The following ZSWIM6 variants were observed in gnomAD, a reference collection of about 807,000 sequenced individuals.
ZSWIM6 encodes zinc finger SWIM-type containing 6.
A neutral mutation model predicts 113.2 loss-of-function variants in ZSWIM6; 9 were observed. The ratio of observed to expected loss-of-function variants is 0.08; its 90% CI spans 0.05 to 0.14. The LOEUF (loss-of-function observed/expected upper bound fraction) is 0.14. Among genes scored for constraint, ZSWIM6 ranks in the 10% least tolerant of loss-of-function variants. The pLI, the probability that ZSWIM6 is intolerant of heterozygous loss-of-function variation, is 1.00. For synonymous variants in ZSWIM6, 611 were observed against 606.5 expected (o/e 1.01, Z -0.11); for missense variants, 1,162 against 1,552.2 (o/e 0.75, Z 4.22).
chr5:61,520,812 C>T (rs1175531723), intron 4 of ZSWIM6, among the ~76,000 whole-genome samples: 1 of 151,912 alleles, frequency 6.6e-6, no homozygotes, highest in Non-Finnish European at 1.5e-5. Context: ...TGTGCAGAAC[C>T]ATTTGGAGTG....
Position 61,544,481 on chromosome 5 carries a change from TTG to T in ZSWIM6, c.*170_*171del, listed in dbSNP as rs1749832440. 2.7e-6 allele frequency: 1 copy of T among 375,956 alleles called. No homozygotes were observed. The highest frequency in any genetic ancestry group is 4.7e-6 in the Non-Finnish European group (1 of 213,378). The allele number at this position is 375,956 out of a possible 1,614,324, so 23.3% of individuals were successfully genotyped here. A position where few individuals can be genotyped will look rare whatever the true frequency, so the allele number is the denominator to read the frequency against. ...GACTAAATTGTCATGTTGTGAAAGT[TTG>T]TGTGTTTTTTATTTTTTCCCTATTT... On this transcript the variant is annotated 3_prime_UTR_variant, in exon 14 of 14. Transcript: ENST00000252744.
intron 5 of ZSWIM6, 123 bp from the exon 6 acceptor site, chr5:61,525,677 C>T: frequency 8.7e-7 from 1 of 1,151,492 alleles, no homozygotes; most frequent in Non-Finnish European, 1.2e-6. Context: ...CACCCTTCTG[C>T]TTAGGGGGTG....
chr5:61,431,645 TGAGGCAGGAGAATGGCCTGAACTC>T (rs1746584004), intron 1 of ZSWIM6, among the ~76,000 whole-genome samples: 1 of 106,558 alleles, frequency 9.4e-6, no homozygotes, highest in African/African-American at 4.0e-5. Context: ...CTCGGGAGGC[TGAGGCAGGAGAATGGCCTGAACTC>T]GGGAGGCGGA....
intron 4 of ZSWIM6, among the ~76,000 whole-genome samples, chr5:61,507,541 A>G (rs1748657889): frequency 2.0e-5 from 3 of 152,232 alleles, no homozygotes. Flanking sequence ...TCTGACTTGA[A>G]TAATCAATCT....
At chr5:61,539,509 G>T in intron 11 of ZSWIM6, 87 bp from the exon 12 acceptor site, 1 of 1,387,716 alleles carries the variant, frequency 7.2e-7, no homozygotes, top group Non-Finnish European at 9.6e-7. Context: ...CCCTCTGTGT[G>T]TGTGTATGGT....
At chr5:61,451,409 A>C (rs1182931372) in intron 1 of ZSWIM6, among the ~76,000 whole-genome samples, 1 of 152,152 alleles carries the variant, frequency 6.6e-6, no homozygotes, top group Non-Finnish European at 1.5e-5. Flanking sequence ...GCTTTTTATG[A>C]ATAACTTGGG....
At chr5:61,511,050 A>G (rs1357076428) in intron 4 of ZSWIM6, among the ~76,000 whole-genome samples, 1 of 152,170 alleles carries the variant, frequency 6.6e-6, no homozygotes, top group African/African-American at 2.4e-5. Context: ...AATTTGGAGA[A>G]TGACTTGCTC....
chr5:61,467,910 G>T (rs919300732), intron 1 of ZSWIM6, among the ~76,000 whole-genome samples: 2 of 151,998 alleles, frequency 1.3e-5, no homozygotes, highest in African/African-American at 4.8e-5. Flanking sequence ...CACCTCCACG[G>T]GCTAGACCCC....
chr5:61,481,882 G>T (rs936591539), intron 2 of ZSWIM6, among the ~76,000 whole-genome samples: 6 of 152,084 alleles, frequency 3.9e-5, no homozygotes, highest in Non-Finnish European at 8.8e-5. Flanking sequence ...TTAAACTTCA[G>T]TAATAAAATG....
Position 61,472,388 on chromosome 5 carries a change from C to T in ZSWIM6, c.677-293C>T, listed in dbSNP as rs1012728998. ...GCAGAGTAATGATGGCCTCTTAGTG[C>T]GTGATCTAACCACTTCCTATAGGTA... is the stretch of plus-strand genomic sequence containing the variant. On this transcript the variant is annotated intron_variant, in intron 1 of 13. Coordinates refer to ENST00000252744, the MANE Select transcript of ZSWIM6 (RefSeq NM_020928.2). The surrounding 1 kb of genome is among the most constrained non-coding windows in gnomAD (Gnocchi z 4.1). 1.3e-5 allele frequency among the ~76,000 whole-genome samples: 2 copies of T among 152,120 alleles called. No homozygotes were observed. Among genetic ancestry groups the T allele is most frequent in the South Asian group, 2.1e-4 (1 of 4,820 alleles).
intron 1 of ZSWIM6, among the ~76,000 whole-genome samples, chr5:61,334,299 A>G (rs1744340350): frequency 6.6e-6 from 1 of 152,190 alleles, no homozygotes; most frequent in Non-Finnish European, 1.5e-5. Context: ...ACTGAAAAGA[A>G]CAATGCTGTA....
intron 13 of ZSWIM6, among the ~76,000 whole-genome samples, chr5:61,542,536 T>C (rs1749768614): frequency 1.3e-5 from 2 of 152,180 alleles, no homozygotes; most frequent in Admixed American, 6.5e-5. Context: ...TAAATAGTGG[T>C]TAAACGTTCT....
At chr5:61,438,342 C>G (rs957744744) in intron 1 of ZSWIM6, among the ~76,000 whole-genome samples, 1 of 152,200 alleles carries the variant, frequency 6.6e-6, no homozygotes, top group African/African-American at 2.4e-5. Flanking sequence ...CTTCTGCTTT[C>G]TTCCCCCACC....
At chr5:61,371,770 T>G (rs1014049896) in intron 1 of ZSWIM6, among the ~76,000 whole-genome samples, 1 of 152,078 alleles carries the variant, frequency 6.6e-6, no homozygotes, top group South Asian at 2.1e-4. Context: ...AAGCTATTCA[T>G]GTACTCATCA....
intron 8 of ZSWIM6, 81 bp downstream of exon 8, chr5:61,530,279 A>G (rs1749395580): frequency 7.3e-7 from 1 of 1,377,206 alleles, no homozygotes; most frequent in African/African-American, 1.5e-5. Flanking sequence ...TCTTTACATT[A>G]TGTTTTATGG....
intron 5 of ZSWIM6, among the ~76,000 whole-genome samples, chr5:61,524,214 T>C (rs1479177068): frequency 6.6e-6 from 1 of 152,150 alleles, no homozygotes; most frequent in African/African-American, 2.4e-5. Context: ...ATGGGTATGT[T>C]TATTCTGCTC....
At chr5:61,448,662 C>G (rs1394612782) in intron 1 of ZSWIM6, among the ~76,000 whole-genome samples, 1 of 151,984 alleles carries the variant, frequency 6.6e-6, no homozygotes, top group Non-Finnish European at 1.5e-5. Context: ...CTGAGAGAGA[C>G]AGACTGGTTC....
At chr5:61,491,216 A>G (rs1748166897) in intron 3 of ZSWIM6, among the ~76,000 whole-genome samples, 1 of 151,950 alleles carries the variant, frequency 6.6e-6, no homozygotes, top group South Asian at 2.1e-4. Flanking sequence ...AAAATAATTA[A>G]CAGTGTTATT....
rs5868274 is a variant in ZSWIM6, at chr5:61,393,735, CAAA to C, written c.676+60801_676+60803del. ...CCTGGGTGACAGAGCGAAACTATCT[CAAA>C]AAAAAAAAAAAAATGTACTTTTAGA... On this transcript the variant is annotated intron_variant, in intron 1 of 13. Transcript: ENST00000252744. 2.3e-3 allele frequency among the ~76,000 whole-genome samples: 318 copies of C among 139,700 alleles called. 1 individual carries two copies. Among genetic ancestry groups the C allele is most frequent in the African/African-American group, 8.0e-3 (300 of 37,604 alleles). The allele number at this position is 139,700 out of a possible 152,430, so 91.6% of individuals were successfully genotyped here.
Sources: gnomAD v4.1 joint callset for allele counts (sites outside exome capture counted in the v4.1 genomes callset) on GRCh38, gnomAD v4.1.1 for gene constraint, Gnocchi (gnomAD v3.1) non-coding constraint, MANE v1.5 for transcripts, NCBI Gene and HGNC (gene_info 2026-07-23, HGNC 2026-07-21) for gene names.